The following AUTS2 variants were observed in gnomAD, a reference collection of about 807,000 sequenced individuals.
The protein encoded by AUTS2 is activator of transcription and developmental regulator AUTS2.
AUTS2 carries 17 observed loss-of-function variants against 112.4 expected under a neutral mutation model. That is an observed-to-expected ratio of 0.15 (90% CI 0.10 to 0.23). AUTS2 has a LOEUF of 0.23. Ranked by LOEUF, AUTS2 falls within the 10% of genes least tolerant of loss-of-function variation. The pLI is 1.00. For missense variants in AUTS2, 1,510 were observed against 1,701.6 expected, an observed-to-expected ratio of 0.89 and a Z score of 1.98; for synonymous variants, 751 against 702.7, an observed-to-expected ratio of 1.07 and a Z score of -1.09.
chr7:70,465,844 A>G (rs540971506), intron 5 of AUTS2, among the ~76,000 whole-genome samples: 1 of 151,358 alleles, frequency 6.6e-6, no homozygotes, highest in South Asian at 2.2e-4. Flanking sequence ...CCCCCATGCA[A>G]GTGGGCAGGA....
rs553083283 is a variant in AUTS2, at chr7:70,134,943, T to G, written c.660+372T>G. Among the ~76,000 whole-genome samples the G allele has an allele frequency of 5.3e-5, 8 of 152,226 alleles. No homozygotes were observed. The East Asian group carries it at 1.4e-3, about 26-fold the overall frequency. ...CAGATTATGCATTGAGATAACTGATTTCTTGAATAACATCTCTTCATATAC... is the reference window on the plus strand; with the variant it reads ...CAGATTATGCATTGAGATAACTGATGTCTTGAATAACATCTCTTCATATAC... On this transcript the variant is annotated intron_variant, in intron 4 of 18. Transcript: ENST00000342771.
chr7:69,998,258 G>C (rs1164411439), intron 2 of AUTS2, among the ~76,000 whole-genome samples: 4 of 152,008 alleles, frequency 2.6e-5, no homozygotes, highest in Non-Finnish European at 5.9e-5. Flanking sequence ...TGTTGCCTAG[G>C]CTAGACTTGA....
intron 2 of AUTS2, among the ~76,000 whole-genome samples, chr7:69,989,141 G>T (rs1381627368): frequency 6.6e-6 from 1 of 152,202 alleles, no homozygotes; most frequent in Non-Finnish European, 1.5e-5. Flanking sequence ...CATGTAATTT[G>T]TAACTCCAGA....
In AUTS2 at chr7:69,932,507, C is replaced by T. The variant is rs917735021; in HGVS notation, c.522+33009C>T. Among the ~76,000 whole-genome samples the T allele has an allele frequency of 4.6e-5, 7 of 152,298 alleles. No individual in the cohort carries two copies. The East Asian group carries it at 1.4e-3, about 29-fold the overall frequency. ...GGTAAATAGAAAGTTAATGTAGCTA[C>T]AGGTATTGACAGTAAACTTTGGCTA... On this transcript the variant is annotated intron_variant, in intron 2 of 18. Transcript: ENST00000342771.
intron 1 of AUTS2, among the ~76,000 whole-genome samples, chr7:69,625,238 G>T (rs1043762026): frequency 1.7e-4 from 26 of 152,186 alleles, no homozygotes; most frequent in African/African-American, 6.0e-4. Flanking sequence ...TAGGAAAAGG[G>T]TGCTTCTGGC....
intron 1 of AUTS2, among the ~76,000 whole-genome samples, chr7:69,700,451 T>C (rs1797757926): frequency 6.6e-6 from 1 of 152,126 alleles, no homozygotes; most frequent in South Asian, 2.1e-4. Context: ...GGTTAGATGG[T>C]TTGAGGAAGG....
At chr7:69,842,712 G>T (rs577128680) in intron 1 of AUTS2, among the ~76,000 whole-genome samples, 1 of 152,190 alleles carries the variant, frequency 6.6e-6, no homozygotes, top group Admixed American at 6.5e-5. Context: ...ATTTTCACTG[G>T]GACTATTCTT....
chr7:70,539,476 A>C (rs1800456762), intron 5 of AUTS2, among the ~76,000 whole-genome samples: 1 of 152,148 alleles, frequency 6.6e-6, no homozygotes, highest in African/African-American at 2.4e-5. Context: ...TGCAACTTTT[A>C]ATGTGCACTG....
intron 4 of AUTS2, chr7:70,292,819 T>G (rs1788768929): frequency 6.6e-6 from 1 of 152,176 alleles, no homozygotes; most frequent in South Asian, 2.1e-4. Context: ...TTTGAGTGAG[T>G]GAGCCACAGA....
chr7:70,316,044 C>T (rs142287338), intron 4 of AUTS2, among the ~76,000 whole-genome samples: 5 of 152,154 alleles, frequency 3.3e-5, no homozygotes, highest in African/African-American at 7.2e-5. Context: ...TGGTTGATGC[C>T]CTGCATAGAG....
At chr7:70,443,466 C>T (rs113449784) in intron 5 of AUTS2, among the ~76,000 whole-genome samples, 2 of 152,224 alleles carry the variant, frequency 1.3e-5, no homozygotes, top group Admixed American at 6.5e-5. Context: ...TAGGCCCCAA[C>T]AGCATGGCAG....
chr7:70,595,962 CTGCCTGCGCGCTT>C lies in AUTS2; in HGVS notation c.691-102589_691-102577del, dbSNP rs1363837438. 1,119 of 152,342 alleles carry C rather than the reference CTGCCTGCGCGCTT, an allele frequency of 7.3e-3. 13 individuals are homozygous for C. The highest frequency in any genetic ancestry group is 0.024 in the African/African-American group (1,010 of 41,556). 9.4% of individuals were successfully genotyped at this position (152,342 alleles called of 1,614,324 possible). On this transcript the variant is annotated intron_variant, in intron 5 of 18. Coordinates refer to ENST00000342771, the MANE Select transcript of AUTS2 (RefSeq NM_015570.4). ...GAGCGGATCAGAAGCTGCGCGCGCT[CTGCCTGCGCGCTT>C]TGCCTGCGCGCTTTGCCGCCGCAAC...
At chr7:70,166,059 C>T (rs1808364871) in intron 4 of AUTS2, among the ~76,000 whole-genome samples, 1 of 152,120 alleles carries the variant, frequency 6.6e-6, no homozygotes. Context: ...TGCTTGTTTC[C>T]CCTTCACCTT....
At chr7:69,660,920 G>GA (rs1290152886) in intron 1 of AUTS2, among the ~76,000 whole-genome samples, 1 of 152,174 alleles carries the variant, frequency 6.6e-6, no homozygotes, top group African/African-American at 2.4e-5. Flanking sequence ...GGCGACAGAG[G>GA]AATAGTGCGT....
At chr7:70,217,788 A>G (rs566035168) in intron 4 of AUTS2, among the ~76,000 whole-genome samples, 5 of 152,336 alleles carry the variant, frequency 3.3e-5, no homozygotes, top group Admixed American at 2.6e-4. Context: ...TCGCTAGTGC[A>G]TTTGTAGCTG....
chr7:70,494,956 C>T (rs546326100), intron 5 of AUTS2, among the ~76,000 whole-genome samples: 268 of 152,156 alleles, frequency 1.8e-3, no homozygotes, highest in Middle Eastern at 0.01. Flanking sequence ...TCCATGGTGA[C>T]ACTGAAGAAA....
chr7:70,480,486 C>T (rs1797748832), intron 5 of AUTS2, among the ~76,000 whole-genome samples: 1 of 152,184 alleles, frequency 6.6e-6, no homozygotes, highest in African/African-American at 2.4e-5. Flanking sequence ...ATTCCCATTT[C>T]CCTCTTGACA....
At chr7:69,605,256 A>G (rs562433314) in intron 1 of AUTS2, among the ~76,000 whole-genome samples, 61 of 152,324 alleles carry the variant, frequency 4.0e-4, no homozygotes, top group African/African-American at 1.3e-3. Flanking sequence ...CAGGCACAGA[A>G]GCTTGTAGTC....
chr7:70,714,101 C>T (rs958638531), intron 6 of AUTS2, among the ~76,000 whole-genome samples: 2 of 152,110 alleles, frequency 1.3e-5, no homozygotes, highest in Non-Finnish European at 2.9e-5. Context: ...AATATCACAC[C>T]ACTCAAAGGT....
Sources: allele counts gnomAD v4.1 joint callset (sites outside exome capture counted in the v4.1 genomes callset), GRCh38; gene constraint gnomAD v4.1.1; transcripts MANE v1.5; gene names NCBI Gene and HGNC (gene_info 2026-07-23, HGNC 2026-07-21).